Variants in TYRP1 observed in about 807,000 individuals in gnomAD.
TYRP1 encodes tyrosinase related protein 1.
A neutral mutation model predicts 42.8 loss-of-function variants in TYRP1; 49 were observed. The observed-to-expected ratio is 1.14, with a 90% confidence interval of 0.91 to 1.45. TYRP1 has a LOEUF of 1.45. Among genes scored for constraint, TYRP1 ranks in the 40% most tolerant of loss-of-function variants. The pLI is 0.00. For synonymous variants in TYRP1, 279 were observed against 235.4 expected (o/e 1.19, Z -1.69); for missense variants, 848 against 662.0 (o/e 1.28, Z -3.08).
Position 12,694,071 on chromosome 9 carries a change from A to G in TYRP1, c.75A>G (p.Gln25=). ...TACTTTTTCAGCAGGCCCGGGCTCA[A>G]TTCCCAAGACAGTGTGCCACTGTTG... ...PLLLFQQARA[Q]FPRQCATVEA... Residue 25 remains glutamine, a synonymous_variant, in exon 2 of 8, where the codon CAA becomes CAG. Transcript: ENST00000388918. 6.2e-7 allele frequency: 1 copy of G among 1,613,858 alleles called. No homozygotes were observed. Among genetic ancestry groups the G allele is most frequent in the South Asian group, 1.1e-5 (1 of 91,062 alleles).
chr9:12,701,351 G>GATC, intron 4 of TYRP1, among the ~76,000 whole-genome samples: 1 of 151,744 alleles, frequency 6.6e-6, no homozygotes, highest in East Asian at 2.0e-4. Context: ...CAGCTAACAT[G>GATC]ATCTTTTCCA....
At position 12,694,423 on chromosome 9, in the gene TYRP1, C is replaced by T. The variant is rs376958394; in HGVS notation, c.385+42C>T. The T allele has an allele frequency of 2.3e-4, 377 of 1,607,236 alleles. 1 individual carries two copies. Among genetic ancestry groups the T allele is most frequent in the Admixed American group, 2.0e-3 (117 of 59,510 alleles). On this transcript the variant is annotated intron_variant, in intron 2 of 7. Transcript: ENST00000388918. ...ATGAGTTCATAAGTCCTGCATGAGA[C>T]TCAAGGCTCTTAATAAAATCTTAAA...
rs371729292 is a variant in TYRP1, at chr9:12,709,221, C to G, written c.*39C>G. 82 of 1,566,790 alleles carry G rather than the reference C, an allele frequency of 5.2e-5. No individual in the cohort carries two copies. The highest frequency in any genetic ancestry group is 6.9e-5 in the Non-Finnish European group (79 of 1,138,254). ...CTCTTATGCATTAGTATCACAAAAC[C>G]ACCTGGTTGAATATAATAGATTGAG... On this transcript the variant is annotated 3_prime_UTR_variant, in exon 8 of 8. Transcript: ENST00000388918.
rs2118232880 is a variant in TYRP1 at position 12,698,465 on chromosome 9, G to A, written c.723G>A (p.Glu241=). Residue 241 remains glutamate (E), a synonymous_variant, in exon 4 of 8, where the codon GAG becomes GAA. Transcript: ENST00000388918. ...CTGTGATCTAGGAAATGTTGCAAGA[G>A]CCTTCTTTCTCCCTTCCTTACTGGA... is the stretch of plus-strand genomic sequence containing the variant. ...LEKDMQEMLQ[E]PSFSLPYWNF... 2 of 1,613,590 alleles carry A rather than the reference G, an allele frequency of 1.2e-6. No homozygotes were observed. The highest frequency in any genetic ancestry group is 1.7e-6 in the Non-Finnish European group (2 of 1,179,672).
At chr9:12,697,521 G>C (rs146704822) in intron 3 of TYRP1, among the ~76,000 whole-genome samples, 1 of 152,130 alleles carries the variant, frequency 6.6e-6, no homozygotes, top group East Asian at 1.9e-4. Flanking sequence ...CCAAGGATAA[G>C]AAAATGCTTC....
At chr9:12,694,662 A>T (rs1818047988) in intron 2 of TYRP1, among the ~76,000 whole-genome samples, 1 of 152,228 alleles carries the variant, frequency 6.6e-6, no homozygotes, top group African/African-American at 2.4e-5. Context: ...TAGTCAATTC[A>T]GTAACTCCTT....
At chr9:12,695,892 G>A in intron 3 of TYRP1, 55 bp downstream of exon 3, 1 of 1,572,406 alleles carries the variant, frequency 6.4e-7, no homozygotes, top group Non-Finnish European at 8.7e-7. Context: ...TGCCTTGTTT[G>A]TAAGTGATTT....
intron 4 of TYRP1, among the ~76,000 whole-genome samples, chr9:12,699,871 A>G (rs2118238598): frequency 6.6e-6 from 1 of 152,202 alleles, no homozygotes; most frequent in Middle Eastern, 3.4e-3. Flanking sequence ...AAAATAAAAC[A>G]CAGTTTAAAT....
chr9:12,698,838 C>G (rs999774398), intron 4 of TYRP1, among the ~76,000 whole-genome samples, 183 bp downstream of exon 4: 12 of 152,034 alleles, frequency 7.9e-5, no homozygotes, highest in African/African-American at 1.4e-4. Context: ...AGAAGTTGCT[C>G]CAGGGGAAAC....
At chr9:12,696,987 A>G (rs1215482684) in intron 3 of TYRP1, among the ~76,000 whole-genome samples, 2 of 152,202 alleles carry the variant, frequency 1.3e-5, no homozygotes, top group Non-Finnish European at 2.9e-5. Context: ...ATGCACTAAC[A>G]TACAGGATAA....
rs766892164 is a variant in TYRP1 at position 12,709,094 on chromosome 9, A to G, written c.1526A>G (p.Glu509Gly). ...YLIRARRSMD[E>G]ANQPLLTDQY... ...ATTCGTGCCAGACGCAGTATGGATG[A>G]AGCTAACCAGCCTCTCCTCACTGAT... is the stretch of plus-strand genomic sequence containing the variant. The change falls in exon 8 of 8, where the codon GAA becomes GGA. Residue 509 changes from glutamate to glycine, a missense_variant. Glu to Gly is a moderately conservative substitution (Grantham distance 98). Coordinates refer to ENST00000388918, the MANE Select transcript of TYRP1 (RefSeq NM_000550.3). 37 of 1,612,794 alleles carry G rather than the reference A, an allele frequency of 2.3e-5. No homozygotes were observed. Among genetic ancestry groups the G allele is most frequent in the Non-Finnish European group, 3.0e-5 (35 of 1,179,214 alleles).
intron 6 of TYRP1, among the ~76,000 whole-genome samples, chr9:12,705,604 TG>T (rs1818245072): frequency 6.6e-6 from 1 of 152,056 alleles, no homozygotes; most frequent in Non-Finnish European, 1.5e-5. Flanking sequence ...CGCAGCACTT[TG>T]GGAAGCCGAG....
intron 6 of TYRP1, 47 bp from the exon 7 acceptor site, chr9:12,707,950 A>G (rs755024995): frequency 1.3e-6 from 2 of 1,544,834 alleles, no homozygotes; most frequent in South Asian, 2.4e-5. Flanking sequence ...TGATAGGAAT[A>G]TTAATTTTAT....
At chr9:12,697,794 G>C (rs947676092) in intron 3 of TYRP1, among the ~76,000 whole-genome samples, 1 of 152,084 alleles carries the variant, frequency 6.6e-6, no homozygotes, top group Non-Finnish European at 1.5e-5. Context: ...TGGGCAGAAA[G>C]ATTTACTCTG....
Position 12,707,990 on chromosome 9 carries a change from A to C in TYRP1, c.1262-7A>C. 6.2e-7 allele frequency: 1 copy of C among 1,608,078 alleles called. No individual in the cohort carries two copies. The highest frequency in any genetic ancestry group is 1.1e-5 in the South Asian group (1 of 90,718). ...TTTATTAATACGTTGTCTTTGGAATAATTTAGATATATCCACATTTCCATT... is the reference window on the plus strand; with the variant it reads ...TTTATTAATACGTTGTCTTTGGAATCATTTAGATATATCCACATTTCCATT... On this transcript the variant is annotated splice_polypyrimidine_tract_variant and splice_region_variant and intron_variant, in intron 6 of 7. Coordinates refer to ENST00000388918, the MANE Select transcript of TYRP1 (RefSeq NM_000550.3).
rs1818183899 is a variant in TYRP1 at position 12,702,329 on chromosome 9, G to A, written c.972G>A (p.Val324=). The change falls in exon 5 of 8, where the codon GTG becomes GTA. Residue 324 remains valine (V), a synonymous_variant. Transcript: ENST00000388918. ...CTGGAAATGTGGCCAGACCAATGGT[G>A]CAACGTCTTCCTGAACCACAGGATG... is the stretch of plus-strand genomic sequence containing the variant. ...NPAGNVARPM[V]QRLPEPQDVA... 1 of 1,613,048 alleles carries A rather than the reference G, an allele frequency of 6.2e-7. No individual in the cohort carries two copies. The highest frequency in any genetic ancestry group is 8.5e-7 in the Non-Finnish European group (1 of 1,179,494).
rs1245076143 is a variant in TYRP1, at chr9:12,709,276, A to G, written c.*94A>G. ...TAACTGTATTTTCTTTCACTTTATT[A>G]CCTTCTTTCTAATACAAGCATATGT... is the stretch of plus-strand genomic sequence containing the variant. On this transcript the variant is annotated 3_prime_UTR_variant, in exon 8 of 8. Transcript: ENST00000388918. 1.6e-6 allele frequency: 2 copies of G among 1,249,460 alleles called. No individual in the cohort carries two copies. The highest frequency in any genetic ancestry group is 1.5e-5 in the African/African-American group (1 of 67,010). The allele number at this position is 1,249,460 out of a possible 1,614,324, so 77.4% of individuals were successfully genotyped here.
intron 6 of TYRP1, 98 bp from the exon 7 acceptor site, chr9:12,707,899 C>T: frequency 1.6e-6 from 2 of 1,217,164 alleles, no homozygotes; most frequent in East Asian, 2.6e-5. Flanking sequence ...AAAATTTTTT[C>T]AGGTTCTCCT....
At position 12,708,064 on chromosome 9, in the gene TYRP1, C is replaced by G. The variant is rs771220138; in HGVS notation, c.1329C>G (p.Phe443Leu). The G allele has an allele frequency of 6.2e-7, 1 of 1,612,756 alleles. No individual in the cohort carries two copies. Among genetic ancestry groups the G allele is most frequent in the Non-Finnish European group, 8.5e-7 (1 of 1,179,254 alleles). Residue 443 changes from phenylalanine to leucine, a missense_variant, in exon 7 of 8, where the codon TTC (phenylalanine) becomes TTG (leucine). Coordinates refer to ENST00000388918, the MANE Select transcript of TYRP1 (RefSeq NM_000550.3). Reference sequence around the variant, plus strand: ...ATAGACAATACAACATGGTGCCATTCTGGCCCCCAGTCACCAACACAGAAA... The same window carrying G: ...ATAGACAATACAACATGGTGCCATTGTGGCCCCCAGTCACCAACACAGAAA... ...GHNRQYNMVPFWPPVTNTEMF... is the reference protein window; with the variant it reads ...GHNRQYNMVPLWPPVTNTEMF...
Sources: gnomAD v4.1 joint callset for allele counts (sites outside exome capture counted in the v4.1 genomes callset) on GRCh38, gnomAD v4.1.1 for gene constraint, MANE v1.5 for transcripts, NCBI Gene and HGNC (gene_info 2026-07-23, HGNC 2026-07-21) for gene names.